ZEB1: variants seen among roughly 807,000 people sequenced by gnomAD.
ZEB1 encodes zinc finger E-box binding homeobox 1.
ZEB1 carries 21 observed loss-of-function variants against 84.9 expected under a neutral mutation model. That is an observed-to-expected ratio of 0.25 (90% CI 0.18 to 0.36). ZEB1 has a LOEUF of 0.36. ZEB1 is among the 10% of genes least tolerant of loss of function. The pLI, the probability that ZEB1 is intolerant of heterozygous loss-of-function variation, is 1.00. For synonymous variants in ZEB1, 420 were observed against 471.1 expected (o/e 0.89, Z 1.41); for missense variants, 1,104 against 1,330.2 (o/e 0.83, Z 2.65).
chr10:31,485,849 C>T (rs2065680885), intron 2 of ZEB1, among the ~76,000 whole-genome samples: 1 of 151,664 alleles, frequency 6.6e-6, no homozygotes, highest in African/African-American at 2.4e-5. Flanking sequence ...CAGAACAGTT[C>T]CATCATCAGA....
intron 1 of ZEB1, among the ~76,000 whole-genome samples, chr10:31,323,802 T>C (rs528938691): frequency 2.0e-5 from 3 of 152,126 alleles, no homozygotes; most frequent in Non-Finnish European, 4.4e-5. Context: ...AGGTAGAACA[T>C]TAGAAGTATT....
intron 8 of ZEB1, among the ~76,000 whole-genome samples, chr10:31,525,132 TAAATA>T (rs1331020858): frequency 2.0e-5 from 3 of 152,214 alleles, no homozygotes; most frequent in Non-Finnish European, 2.9e-5. Context: ...TCAGCATCCG[TAAATA>T]AAATTAGTTG....
chr10:31,448,245 C>T (rs1202079362), intron 1 of ZEB1, among the ~76,000 whole-genome samples: 1 of 127,498 alleles, frequency 7.8e-6, no homozygotes, highest in East Asian at 2.1e-4. Context: ...AGTTCTCGAG[C>T]CTTGGTTTTC....
At chr10:31,338,776 G>GCACA (rs1191483543) in intron 1 of ZEB1, among the ~76,000 whole-genome samples, 3 of 152,126 alleles carry the variant, frequency 2.0e-5, no homozygotes, top group African/African-American at 7.2e-5. Context: ...TACCCGTAAT[G>GCACA]CACAAATGGT....
chr10:31,450,551 TTC>T (rs2060438422), intron 1 of ZEB1, among the ~76,000 whole-genome samples: 1 of 152,140 alleles, frequency 6.6e-6, no homozygotes, highest in African/African-American at 2.4e-5. Flanking sequence ...TATTTATACT[TTC>T]TCTTTTATTC....
chr10:31,434,326 A>G (rs1232560243), intron 1 of ZEB1, among the ~76,000 whole-genome samples: 1 of 152,166 alleles, frequency 6.6e-6, no homozygotes, highest in Non-Finnish European at 1.5e-5. Context: ...GGTAGGTTTT[A>G]TAGAAAGTTA....
chr10:31,369,764 T>G (rs566665211), intron 1 of ZEB1, among the ~76,000 whole-genome samples: 54 of 152,310 alleles, frequency 3.5e-4, no homozygotes, highest in African/African-American at 1.0e-3. Context: ...TTAGTTTTTT[T>G]GGGGGAAACT....
intron 1 of ZEB1, among the ~76,000 whole-genome samples, chr10:31,458,071 GT>G (rs1292022147): frequency 2.0e-5 from 3 of 152,060 alleles, no homozygotes; most frequent in Non-Finnish European, 2.9e-5. Context: ...TAGGCATGCA[GT>G]TTCACTGGTC....
chr10:31,366,490 C>A (rs1182270986), intron 1 of ZEB1, among the ~76,000 whole-genome samples: 1 of 152,088 alleles, frequency 6.6e-6, no homozygotes, highest in Non-Finnish European at 1.5e-5. Flanking sequence ...CTGTCTCTGT[C>A]CATTTTCAAA....
chr10:31,495,940 CT>C (rs1022217258), intron 3 of ZEB1, 102 bp downstream of exon 3: 2 of 1,246,732 alleles, frequency 1.6e-6, no homozygotes, highest in African/African-American at 3.0e-5. Context: ...GTTTCCTTCT[CT>C]TTTATCTTAC....
At chr10:31,359,826 A>G (rs1408006968) in intron 1 of ZEB1, among the ~76,000 whole-genome samples, 3 of 152,158 alleles carry the variant, frequency 2.0e-5, no homozygotes, top group Admixed American at 6.5e-5. Flanking sequence ...GTTAATCTCA[A>G]CCCCTCTTGT....
At chr10:31,449,506 G>T (rs1005987982) in intron 1 of ZEB1, among the ~76,000 whole-genome samples, 9 of 152,174 alleles carry the variant, frequency 5.9e-5, no homozygotes, top group East Asian at 3.9e-4. Context: ...TTGATTTCGT[G>T]TGGGTTTCAT....
chr10:31,429,461 A>G (rs545496944), intron 1 of ZEB1, among the ~76,000 whole-genome samples: 24 of 152,252 alleles, frequency 1.6e-4, no homozygotes, highest in African/African-American at 2.9e-4. Flanking sequence ...ATGTTCTCAC[A>G]TGTTAAGTAG....
intron 5 of ZEB1, among the ~76,000 whole-genome samples, chr10:31,513,813 T>TA (rs1369234094): frequency 1.3e-5 from 2 of 152,272 alleles, no homozygotes; most frequent in Admixed American, 6.5e-5. Context: ...AGACTTGTCA[T>TA]AAAAAACTGG....
At chr10:31,358,874 A>T (rs139109967) in intron 1 of ZEB1, among the ~76,000 whole-genome samples, 187 of 152,340 alleles carry the variant, frequency 1.2e-3, no homozygotes, top group African/African-American at 4.3e-3. Context: ...CATTACAAAC[A>T]AATGTAGGCC....
At chr10:31,367,644 A>G (rs2044781477) in intron 1 of ZEB1, among the ~76,000 whole-genome samples, 1 of 152,232 alleles carries the variant, frequency 6.6e-6, no homozygotes, top group Non-Finnish European at 1.5e-5. Flanking sequence ...AATCCATGAA[A>G]AGGATGAGGC....
intron 1 of ZEB1, among the ~76,000 whole-genome samples, chr10:31,446,606 T>C (rs2059814911): frequency 6.6e-6 from 1 of 151,976 alleles, no homozygotes; most frequent in African/African-American, 2.4e-5. Flanking sequence ...GATTCTGGTA[T>C]GTTGTGTCTT....
chr10:31,483,920 C>T (rs971981333), intron 2 of ZEB1, among the ~76,000 whole-genome samples: 1 of 151,990 alleles, frequency 6.6e-6, no homozygotes, highest in Non-Finnish European at 1.5e-5. Flanking sequence ...TCTGTAAGTT[C>T]ATGGGGAAGA....
At chr10:31,496,429 T>C (rs1591852550) in intron 3 of ZEB1, among the ~76,000 whole-genome samples, 1 of 152,062 alleles carries the variant, frequency 6.6e-6, no homozygotes, top group African/African-American at 2.4e-5. Flanking sequence ...AAGTACATAT[T>C]CCCTGAAACT....
Sources: gnomAD v4.1 joint callset for allele counts (sites outside exome capture counted in the v4.1 genomes callset) on GRCh38, gnomAD v4.1.1 for gene constraint, MANE v1.5 for transcripts, NCBI Gene and HGNC (gene_info 2026-07-23, HGNC 2026-07-21) for gene names.